Variants in ZNF215 observed in about 807,000 individuals in gnomAD.
ZNF215 encodes the protein BWSCR2-associated zinc finger protein 2.
ZNF215 carries 24 observed loss-of-function variants against 27.2 expected under a neutral mutation model. That is an observed-to-expected ratio of 0.88 (90% CI 0.64 to 1.24). ZNF215 has a LOEUF of 1.24. Among genes scored for constraint, ZNF215 ranks in the 50% most tolerant of loss-of-function variants. The probability of loss-of-function intolerance (pLI) is 0.00; values close to 1 mark genes in which losing one functional copy is unlikely to be tolerated. For synonymous variants in ZNF215, 210 were observed against 204.0 expected, an observed-to-expected ratio of 1.03 and a Z score of -0.25; for missense variants, 675 against 605.7, an observed-to-expected ratio of 1.11 and a Z score of -1.20.
chr11:6,945,965 T>C (rs1201298308), intron 6 of ZNF215, among the ~76,000 whole-genome samples: 1 of 152,068 alleles, frequency 6.6e-6, no homozygotes, highest in Admixed American at 6.6e-5. Context: ...TGAAGTCTGA[T>C]TTTTTTTCCC....
intron 6 of ZNF215, among the ~76,000 whole-genome samples, chr11:6,952,645 GT>G (rs1456287076): frequency 6.6e-6 from 1 of 151,920 alleles, no homozygotes; most frequent in Admixed American, 6.6e-5. Context: ...CATGAGATGG[GT>G]TTCCTGAATA....
At chr11:6,994,039 G>A (rs553085113) in intron 6 of ZNF215, among the ~76,000 whole-genome samples, 1 of 152,220 alleles carries the variant, frequency 6.6e-6, no homozygotes, top group South Asian at 2.1e-4. Flanking sequence ...ATAGTGCTAA[G>A]GTGCTGTCTA....
intron 2 of ZNF215, among the ~76,000 whole-genome samples, chr11:6,930,097 C>CTTT (rs368895026): frequency 3.5e-4 from 49 of 140,120 alleles, no homozygotes; most frequent in Non-Finnish European, 5.5e-4. Flanking sequence ...GTTTCAGTTT[C>CTTT]TTTTTTTTTT....
downstream of ZNF215, chr11:6,988,390 C>G: frequency 2.9e-6 from 1 of 340,926 alleles, no homozygotes; most frequent in Admixed American, 6.5e-5. Context: ...TGATCAGCCT[C>G]CTTTACTAGG....
downstream of ZNF215, among the ~76,000 whole-genome samples, chr11:6,958,332 A>G (rs967794715): frequency 6.6e-6 from 1 of 152,168 alleles, no homozygotes; most frequent in Non-Finnish European, 1.5e-5. Flanking sequence ...TAGAAGTACT[A>G]TTTTCACTCT....
downstream of ZNF215, among the ~76,000 whole-genome samples, chr11:6,991,673 C>T (rs572020836): frequency 6.6e-6 from 1 of 152,356 alleles, no homozygotes. Context: ...ATGACTTCTA[C>T]ACTTCTAGAG....
chr11:6,969,406 G>C (rs900093706), intron 5 of ZNF215, among the ~76,000 whole-genome samples: 1 of 151,774 alleles, frequency 6.6e-6, no homozygotes. Flanking sequence ...GATTACTGAG[G>C]TATGATTGCC....
intron 3 of ZNF215, among the ~76,000 whole-genome samples, chr11:6,936,794 G>A (rs1280574136): frequency 6.6e-6 from 1 of 151,372 alleles, no homozygotes; most frequent in East Asian, 1.9e-4. Flanking sequence ...TATCAGTGCT[G>A]TACATCATAT....
At chr11:6,938,375 G>A (rs939523019) in intron 3 of ZNF215, among the ~76,000 whole-genome samples, 3 of 151,968 alleles carry the variant, frequency 2.0e-5, no homozygotes, top group Non-Finnish European at 4.4e-5. Context: ...ATTGTATATC[G>A]TTGTTGGGAA....
rs1408844674 is a variant in ZNF215, at chr11:6,957,629, A to G, written c.*1098A>G. The G allele has an allele frequency of 2.1e-6, 1 of 475,166 alleles. No homozygotes were observed. The highest frequency in any genetic ancestry group is 1.0e-3 in the Middle Eastern group (1 of 962). 29.4% of individuals were successfully genotyped at this position (475,166 alleles called of 1,614,324 possible). On this transcript the variant is annotated 3_prime_UTR_variant, in exon 7 of 7. Coordinates refer to ENST00000278319, the MANE Select transcript of ZNF215 (RefSeq NM_013250.4). ...TTGTGACCAGACATTTGCCTTAGGAACTTAACTCTTGTTTGTATCCATTAG... is the reference window on the plus strand; with the variant it reads ...TTGTGACCAGACATTTGCCTTAGGAGCTTAACTCTTGTTTGTATCCATTAG...
chr11:6,955,065 C>T (rs1284992623), intron 6 of ZNF215, among the ~76,000 whole-genome samples: 1 of 152,046 alleles, frequency 6.6e-6, no homozygotes, highest in Non-Finnish European at 1.5e-5. Context: ...CTAGGAAGTA[C>T]AGTAGAAAAG....
chr11:6,943,034 G>T, intron 4 of ZNF215, 49 bp from the exon 5 acceptor site: 1 of 1,584,474 alleles, frequency 6.3e-7, no homozygotes, highest in South Asian at 1.2e-5. Flanking sequence ...TTCTCTGGTA[G>T]TGTTTTGGGG....
chr11:6,967,926 C>T (rs541387115), intron 5 of ZNF215, among the ~76,000 whole-genome samples: 5 of 152,118 alleles, frequency 3.3e-5, no homozygotes, highest in Non-Finnish European at 5.9e-5. Context: ...TTAGGTCTTA[C>T]GTTTGTCTTT....
In ZNF215 at chr11:6,956,698, A is replaced by C. The variant is rs1189970183; in HGVS notation, c.*167A>C. 1 of 1,388,754 alleles carries C rather than the reference A, an allele frequency of 7.2e-7. No homozygotes were observed. Among genetic ancestry groups the C allele is most frequent in the African/African-American group, 1.5e-5 (1 of 68,824 alleles). The allele number at this position is 1,388,754 out of a possible 1,614,324, so 86.0% of individuals were successfully genotyped here. ...GTTGGATAGAAATATCATTGGATAG[A>C]AATCTGTTTGAAGGAATTTTCCTGG... On this transcript the variant is annotated 3_prime_UTR_variant, in exon 7 of 7. Transcript: ENST00000278319.
chr11:6,975,344 G>A (rs530898539), intron 5 of ZNF215, among the ~76,000 whole-genome samples: 2 of 152,074 alleles, frequency 1.3e-5, no homozygotes, highest in South Asian at 4.1e-4. Flanking sequence ...ATCATGGAGA[G>A]TAGGGTATCC....
At position 6,977,219 on chromosome 11, in the gene ZNF215, A is replaced by C. The variant is rs1379068994; in HGVS notation, c.806-6910A>C. Among the ~76,000 whole-genome samples the C allele has an allele frequency of 6.6e-5, 10 of 152,182 alleles. No homozygotes were observed. The East Asian group carries it at 1.7e-3, about 26-fold the overall frequency. On this transcript the variant is annotated intron_variant, in intron 5 of 5. Transcript: ENST00000529903. The stretch of plus-strand genomic sequence containing the variant: ...CTGAAAATATTAAATGGAAAATTCC[A>C]GAAATCATAAGTTTTAAATTGTGAG...
In ZNF215 at chr11:6,944,597, G is replaced by A. The variant is rs139945907; in HGVS notation, c.712+956G>A. ...CCTCATTCTTGTTAATACTTTGTAA[G>A]AGAAAATAAAATTGTGATATTAATA... On this transcript the variant is annotated intron_variant, in intron 6 of 6. Transcript: ENST00000278319. Among the ~76,000 whole-genome samples, 666 of 151,980 alleles carry A rather than the reference G, an allele frequency of 4.4e-3. 3 individuals carry two copies. Among genetic ancestry groups the A allele is most frequent in the African/African-American group, 0.013 (537 of 41,482 alleles).
At chr11:6,946,276 G>T (rs1849811158) in intron 6 of ZNF215, among the ~76,000 whole-genome samples, 1 of 152,086 alleles carries the variant, frequency 6.6e-6, no homozygotes, top group Middle Eastern at 3.2e-3. Context: ...CAGATTTTGT[G>T]ATCTGCATTT....
At chr11:6,948,359 A>G (rs780416510) in intron 6 of ZNF215, among the ~76,000 whole-genome samples, 5 of 152,212 alleles carry the variant, frequency 3.3e-5, no homozygotes, top group Admixed American at 6.5e-5. Context: ...GGAACAAGCT[A>G]TCTGCCCCCA....
Sources: allele counts gnomAD v4.1 joint callset (sites outside exome capture counted in the v4.1 genomes callset), GRCh38; gene constraint gnomAD v4.1.1; transcripts MANE v1.5; gene names NCBI Gene and HGNC (gene_info 2026-07-23, HGNC 2026-07-21).